SLC28A2: variants seen among roughly 807,000 people sequenced by gnomAD.
The protein encoded by SLC28A2 is solute carrier family 28 member 2.
Under a neutral mutation model 72.9 loss-of-function variants are expected in SLC28A2, and 69 were observed. That is an observed-to-expected ratio of 0.95 (90% confidence interval 0.78 to 1.16). SLC28A2 has a LOEUF of 1.16. Ranked by LOEUF, SLC28A2 falls within the 50% of genes most tolerant of loss-of-function variation. The pLI is 0.00. For missense variants in SLC28A2, 745 were observed against 791.1 expected (o/e 0.94, Z 0.70); for synonymous variants, 296 against 294.1 (o/e 1.01, Z -0.07).
chr15:45,261,296 T>C (rs1822269087), intron 3 of SLC28A2, among the ~76,000 whole-genome samples: 1 of 152,114 alleles, frequency 6.6e-6, no homozygotes, highest in African/African-American at 2.4e-5. Flanking sequence ...GAGTGTATAT[T>C]CTGTGTTCGC....
chr15:45,265,008 C>A, intron 7 of SLC28A2, 81 bp from the exon 8 acceptor site: 1 of 1,105,726 alleles, frequency 9.0e-7, no homozygotes, highest in Non-Finnish European at 1.4e-6. Flanking sequence ...GTCCTCAGGA[C>A]GCATGGGGCT....
intron 13 of SLC28A2, 46 bp from the exon 14 acceptor site, chr15:45,269,292 G>A: frequency 6.5e-7 from 1 of 1,539,208 alleles, no homozygotes; most frequent in Non-Finnish European, 9.0e-7. Context: ...CCTGACCTTT[G>A]TTATATTAGT....
intron 9 of SLC28A2, 153 bp from the exon 10 acceptor site, chr15:45,265,928 T>A (rs1458430375): frequency 6.2e-6 from 4 of 645,886 alleles, no homozygotes; most frequent in Non-Finnish European, 8.2e-6. Flanking sequence ...TGGTCAAGGC[T>A]CTGTTTCTAA....
chr15:45,262,398 C>A (rs1166491823), intron 4 of SLC28A2, among the ~76,000 whole-genome samples: 1 of 152,084 alleles, frequency 6.6e-6, no homozygotes, highest in Non-Finnish European at 1.5e-5. Flanking sequence ...TGGTGGAGTG[C>A]ATGATTCTTA....
In SLC28A2 at chr15:45,263,161, G is replaced by A. The variant is rs771965795; in HGVS notation, c.363G>A (p.Ser121=). 1.4e-5 allele frequency: 23 copies of A among 1,614,014 alleles called. No homozygotes were observed. The highest frequency in any genetic ancestry group is 1.7e-4 in the Middle Eastern group (1 of 6,058). Residue 121 remains serine, a synonymous_variant, in exon 5 of 18, where the codon TCG becomes TCA. Coordinates refer to ENST00000347644, the MANE Select transcript of SLC28A2 (RefSeq NM_004212.4). ...TCLVIFVLVH[S]FLKKLLGKKL... The stretch of plus-strand genomic sequence containing the variant: ...TGGTGATCTTTGTCCTGGTTCACTC[G>A]TTTTTGAAAAAGCTCCTGGGCAAAA...
At position 45,276,249 on chromosome 15, in the gene SLC28A2, A is replaced by G. The variant is rs1288479244; in HGVS notation, c.*736A>G. On this transcript the variant is annotated 3_prime_UTR_variant, in exon 18 of 18. Coordinates refer to ENST00000347644, the MANE Select transcript of SLC28A2 (RefSeq NM_004212.4). ...GCAAGGACAAAAAACCAAACACCAC[A>G]TGTTCTCACTCATAGATGGGAATTG... 3 of 151,932 alleles carry G rather than the reference A, an allele frequency of 2.0e-5. No individual in the cohort carries two copies. The highest frequency in any genetic ancestry group is 2.9e-5 in the Non-Finnish European group (2 of 68,006). The allele number at this position is 151,932 out of a possible 1,614,324, so 9.4% of individuals were successfully genotyped here. A position where few individuals can be genotyped will look rare whatever the true frequency, so the allele number is the denominator to read the frequency against.
Position 45,276,817 on chromosome 15 carries a change from C to T in SLC28A2, c.*1304C>T, listed in dbSNP as rs778998207. 1 of 152,222 alleles carries T rather than the reference C, an allele frequency of 6.6e-6. No homozygotes were observed. The highest frequency in any genetic ancestry group is 6.5e-5 in the Admixed American group (1 of 15,288). The allele number at this position is 152,222 out of a possible 1,614,324, so 9.4% of individuals were successfully genotyped here. A position where few individuals can be genotyped will look rare whatever the true frequency, so the allele number is the denominator to read the frequency against. On this transcript the variant is annotated 3_prime_UTR_variant, in exon 18 of 18. Transcript: ENST00000347644. ...ATTTGTAAATCTGCAAACTTCTTAACAACATTACACAGTAAACAAAAAATA... is the reference window on the plus strand; with the variant it reads ...ATTTGTAAATCTGCAAACTTCTTAATAACATTACACAGTAAACAAAAAATA...
rs1213525268 is a variant in SLC28A2 at position 45,263,904 on chromosome 15, T to G, written c.470T>G (p.Val157Gly). The G allele has an allele frequency of 6.2e-7, 1 of 1,611,024 alleles. No homozygotes were observed. Among genetic ancestry groups the G allele is most frequent in the African/African-American group, 1.3e-5 (1 of 74,832 alleles). The change falls in exon 6 of 18, where the codon GTT (valine) becomes GGT (glycine). Residue 157 changes from valine (V) to glycine (G), a missense_variant. Physicochemically the swap from Val to Gly is moderately radical, Grantham distance 109. Coordinates refer to ENST00000347644, the MANE Select transcript of SLC28A2 (RefSeq NM_004212.4). ...AGGGTGTTTGCAGGAGTCTCCTTGG[T>G]TGGCCTTATACTGTGGTTGGCTTTA... The part of the protein sequence containing the change: ...TKWVFAGVSL[V>G]GLILWLALDT...
In SLC28A2 at chr15:45,268,248, C is replaced by T. The variant is rs1363000866; in HGVS notation, c.1238C>T (p.Ala413Val). Reference sequence around the variant, plus strand: ...GTCCTGGAAGCTGCCAGCAACGGAGCCGTAGATGCCATAGGCCTTGCTACT... The same window carrying T: ...GTCCTGGAAGCTGCCAGCAACGGAGTCGTAGATGCCATAGGCCTTGCTACT... The part of the protein sequence containing the change: ...RNVLEAASNG[A>V]VDAIGLATNV... The change falls in exon 13 of 18, where the codon GCC becomes GTC. Residue 413 changes from alanine (A) to valine (V), a missense_variant. Coordinates refer to ENST00000347644, the MANE Select transcript of SLC28A2 (RefSeq NM_004212.4). The T allele has an allele frequency of 1.9e-6, 3 of 1,610,492 alleles. No individual in the cohort carries two copies. The highest frequency in any genetic ancestry group is 1.1e-5 in the South Asian group (1 of 91,004).
rs1299251675 is a variant in SLC28A2, at chr15:45,272,786, T to C, written c.1859+2T>C. 6.6e-7 allele frequency: 1 copy of C among 1,506,808 alleles called. No individual in the cohort carries two copies. The highest frequency in any genetic ancestry group is 9.2e-7 in the Non-Finnish European group (1 of 1,082,196). 93.3% of individuals were successfully genotyped at this position (1,506,808 alleles called of 1,614,324 possible). A position where few individuals can be genotyped will look rare whatever the true frequency, so the allele number is the denominator to read the frequency against. On this transcript the variant is annotated splice_donor_variant, in intron 17 of 17. Coordinates refer to ENST00000347644, the MANE Select transcript of SLC28A2 (RefSeq NM_004212.4). LOFTEE classifies it high-confidence loss of function. ...GTGCTGCAGAGGGCTCTTTCAGAGG[T>C]GAGCACCAGGACCCCATTCCTTTCT... is the stretch of plus-strand genomic sequence containing the variant.
chr15:45,252,426 T>C, intron 1 of SLC28A2, 148 bp downstream of exon 1: 1 of 383,094 alleles, frequency 2.6e-6, no homozygotes, highest in South Asian at 2.0e-5. Context: ...TTAATGAAAT[T>C]ATACTTCAAA....
intron 13 of SLC28A2, 105 bp from the exon 14 acceptor site, chr15:45,269,233 T>C: frequency 1.2e-6 from 1 of 846,130 alleles, no homozygotes. Context: ...AGAGCATGAA[T>C]AGAAGGGTGG....
intron 2 of SLC28A2, 47 bp downstream of exon 2, chr15:45,253,343 T>G: frequency 6.4e-7 from 1 of 1,555,120 alleles, no homozygotes; most frequent in East Asian, 2.2e-5. Context: ...GGCTGCTGCA[T>G]GGGCTCCTGT....
Position 45,264,719 on chromosome 15 carries a change from G to T in SLC28A2, c.653G>T (p.Arg218Ile). Reference sequence around the variant, plus strand: ...TTTGTCTTTGGGATCTTGGTCATCAGAACTGATCTTGGATATACTGTATTT... The same window carrying T: ...TTTGTCTTTGGGATCTTGGTCATCATAACTGATCTTGGATATACTGTATTT... ...LQFVFGILVI[R>I]TDLGYTVFQW... is the part of the protein sequence containing the mutation. The change falls in exon 7 of 18, where the codon AGA becomes ATA. Residue 218 changes from arginine to isoleucine, a missense_variant. Coordinates refer to ENST00000347644, the MANE Select transcript of SLC28A2 (RefSeq NM_004212.4). The T allele has an allele frequency of 3.1e-6, 5 of 1,613,978 alleles. No homozygotes were observed. The highest frequency in any genetic ancestry group is 1.3e-5 in the African/African-American group (1 of 75,026).
At chr15:45,272,270 AGT>A (rs1900597335) in intron 15 of SLC28A2, 23 bp from the exon 16 acceptor site, 1 of 1,600,268 alleles carries the variant, frequency 6.2e-7, no homozygotes, top group Non-Finnish European at 8.5e-7. Context: ...GAAAAGCTGA[AGT>A]TATTTTATTT....
Position 45,267,588 on chromosome 15 carries a change from T to C in SLC28A2, c.1068+8T>C, listed in dbSNP as rs192722390. The C allele has an allele frequency of 8.7e-6, 14 of 1,614,114 alleles. No individual in the cohort carries two copies. The East Asian group carries it at 2.0e-4, about 23-fold the overall frequency. Reference sequence around the variant, plus strand: ...GCCTTCATAGCCTTTGGGGTAGGCATAGTCTGCTTGATCACTCCTGGGTGA... The same window carrying C: ...GCCTTCATAGCCTTTGGGGTAGGCACAGTCTGCTTGATCACTCCTGGGTGA... On this transcript the variant is annotated splice_region_variant and intron_variant, in intron 11 of 17. Coordinates refer to ENST00000347644, the MANE Select transcript of SLC28A2 (RefSeq NM_004212.4).
chr15:45,262,524 A>G (rs1900193882), intron 4 of SLC28A2, among the ~76,000 whole-genome samples: 1 of 152,182 alleles, frequency 6.6e-6, no homozygotes, highest in Non-Finnish European at 1.5e-5. Context: ...ACATACTGTC[A>G]GTGGTATATG....
chr15:45,267,968 C>T (rs940939580), intron 12 of SLC28A2, among the ~76,000 whole-genome samples, 172 bp downstream of exon 12: 1 of 152,152 alleles, frequency 6.6e-6, no homozygotes, highest in Non-Finnish European at 1.5e-5. Context: ...AACCCTCCCA[C>T]CTGGCACTAG....
chr15:45,269,564 C>T (rs1342485302), intron 14 of SLC28A2, 29 bp downstream of exon 14: 5 of 1,582,672 alleles, frequency 3.2e-6, no homozygotes, highest in Non-Finnish European at 4.3e-6. Context: ...AGCATAAACA[C>T]CGTGAGGTCT....
Sources: allele counts gnomAD v4.1 joint callset (sites outside exome capture counted in the v4.1 genomes callset), GRCh38; gene constraint gnomAD v4.1.1; transcripts MANE v1.5; gene names NCBI Gene and HGNC (gene_info 2026-07-23, HGNC 2026-07-21).